Variants in LOC128462377 observed in about 807,000 individuals in gnomAD.
chr16:89,339,270 T>C, the LOC128462377 span, among the ~76,000 whole-genome samples: 3 of 152,208 alleles, frequency 2.0e-5, no homozygotes, highest in Middle Eastern at 3.2e-3. Context: ...CATTAGGCAA[T>C]AGAACGACCT....
At chr16:89,320,766 A>G in the LOC128462377 span, among the ~76,000 whole-genome samples, 1 of 152,228 alleles carries the variant, frequency 6.6e-6, no homozygotes, top group Non-Finnish European at 1.5e-5. Context: ...CGGAGTGGAC[A>G]GTGTCTGCGG....
chr16:89,323,201 G>C, the LOC128462377 span: 4 of 773,870 alleles, frequency 5.2e-6, no homozygotes, highest in Non-Finnish European at 7.6e-6. Flanking sequence ...AGGGAGAGAA[G>C]TCTCCAACGG....
the LOC128462377 span, among the ~76,000 whole-genome samples, chr16:89,318,473 C>T: frequency 3.6e-4 from 55 of 152,206 alleles, no homozygotes; most frequent in African/African-American, 1.1e-3. Flanking sequence ...GCGACCATGC[C>T]GGGAGAAGCA....
the LOC128462377 span, chr16:89,323,706 A>ACCC: frequency 2.1e-5 from 6 of 279,542 alleles, no homozygotes; most frequent in Admixed American, 2.5e-4. Context: ...GCCTCCACAC[A>ACCC]CCCCTGCACG....
chr16:89,365,605 G>A, the LOC128462377 span, among the ~76,000 whole-genome samples: 2 of 152,194 alleles, frequency 1.3e-5, no homozygotes, highest in Non-Finnish European at 2.9e-5. Flanking sequence ...TTGAAAAAGA[G>A]GTATGTTCAC....
the LOC128462377 span, chr16:89,323,230 G>A: frequency 2.1e-4 from 244 of 1,164,308 alleles, no homozygotes; most frequent in Non-Finnish European, 3.1e-5. Context: ...GAGGAAAAAA[G>A]AAAAAAGGAG....
At chr16:89,323,753 C>A in the LOC128462377 span, 1 of 262,466 alleles carries the variant, frequency 3.8e-6, no homozygotes, top group Non-Finnish European at 7.4e-6. Context: ...AACTCTCTCT[C>A]CTTCCTCCTC....
chr16:89,334,266 T>G, the LOC128462377 span, among the ~76,000 whole-genome samples: 1 of 151,042 alleles, frequency 6.6e-6, no homozygotes, highest in East Asian at 1.9e-4. Flanking sequence ...TCAATGGCCT[T>G]CACAATCCCT....
the LOC128462377 span, among the ~76,000 whole-genome samples, chr16:89,394,237 G>C: frequency 1.5e-4 from 23 of 152,214 alleles, no homozygotes; most frequent in African/African-American, 5.5e-4. Context: ...TGGGACTGCA[G>C]TTCCACAGTG....
the LOC128462377 span, among the ~76,000 whole-genome samples, chr16:89,361,132 G>A: frequency 3.3e-5 from 5 of 152,264 alleles, no homozygotes; most frequent in Non-Finnish European, 1.5e-5. Context: ...AGACACCCTG[G>A]CTAGGCCCGT....
the LOC128462377 span, chr16:89,319,999 C>G: frequency 6.6e-6 from 1 of 152,418 alleles, no homozygotes; most frequent in Non-Finnish European, 1.5e-5. Context: ...ATGGCAGAGC[C>G]AGCCGAGGGC....
At chr16:89,368,600 G>T in the LOC128462377 span, among the ~76,000 whole-genome samples, 2 of 145,406 alleles carry the variant, frequency 1.4e-5, no homozygotes, top group African/African-American at 2.6e-5. Context: ...ATAAAAACAC[G>T]CAGCTCTTAA....
the LOC128462377 span, among the ~76,000 whole-genome samples, chr16:89,408,566 A>G: frequency 6.6e-6 from 1 of 152,166 alleles, no homozygotes; most frequent in African/African-American, 2.4e-5. Flanking sequence ...CAGGCTGACG[A>G]GCGTGAGCAC....
the LOC128462377 span, among the ~76,000 whole-genome samples, chr16:89,380,234 C>A: frequency 1.3e-5 from 2 of 152,106 alleles, no homozygotes; most frequent in African/African-American, 4.8e-5. Flanking sequence ...TGTCTCTGCC[C>A]CCCGAGTAGT....
the LOC128462377 span, among the ~76,000 whole-genome samples, chr16:89,363,408 T>A: frequency 6.6e-6 from 1 of 151,802 alleles, no homozygotes; most frequent in Non-Finnish European, 1.5e-5. Context: ...CACACCAACA[T>A]GGCACATGTA....
chr16:89,351,884 T>C, the LOC128462377 span, among the ~76,000 whole-genome samples: 3 of 152,214 alleles, frequency 2.0e-5, no homozygotes, highest in Non-Finnish European at 4.4e-5. Context: ...TGGGTAAGCC[T>C]ACGGTCTGTC....
chr16:89,401,345 G>A, the LOC128462377 span, among the ~76,000 whole-genome samples: 1 of 152,054 alleles, frequency 6.6e-6, no homozygotes, highest in African/African-American at 2.4e-5. Context: ...CCAAAGTGCT[G>A]GGATTACAGC....
At chr16:89,337,686 C>T in the LOC128462377 span, among the ~76,000 whole-genome samples, 1 of 152,028 alleles carries the variant, frequency 6.6e-6, no homozygotes, top group Non-Finnish European at 1.5e-5. Context: ...GGGATCCACC[C>T]GCCTCGGCCT....
the LOC128462377 span, among the ~76,000 whole-genome samples, chr16:89,346,273 A>G: frequency 6.6e-6 from 1 of 151,022 alleles, no homozygotes; most frequent in Admixed American, 6.6e-5. Context: ...AAAAAAAAGA[A>G]TCAACACAAC....
Sources: gnomAD v4.1 joint callset for allele counts (sites outside exome capture counted in the v4.1 genomes callset) on GRCh38, gnomAD v4.1.1 for gene constraint, MANE v1.5 for transcripts.